MIDEAS: variants seen among roughly 807,000 people sequenced by gnomAD.
MIDEAS encodes mitotic deacetylase associated SANT domain protein, also known as mitotic deacetylase-associated SANT domain protein.
A neutral mutation model predicts 102.7 loss-of-function variants in MIDEAS; 26 were observed. The observed-to-expected ratio is 0.25, with a 90% CI of 0.19 to 0.35. The LOEUF is 0.35. Ranked by LOEUF, MIDEAS falls within the 10% of genes least tolerant of loss-of-function variation. The pLI is 1.00. For missense variants in MIDEAS, 1,231 were observed against 1,435.6 expected, an observed-to-expected ratio of 0.86 and a Z score of 2.30; for synonymous variants, 585 against 591.0, an observed-to-expected ratio of 0.99 and a Z score of 0.15.
chr14:73,761,082 CAGT>C (rs2053550441), upstream of MIDEAS, among the ~76,000 whole-genome samples: 1 of 151,858 alleles, frequency 6.6e-6, no homozygotes, highest in Non-Finnish European at 1.5e-5. Flanking sequence ...GGTGGTGGTG[CAGT>C]GGTGGTGGTG....
rs2053345213 is a variant in MIDEAS, at chr14:73,745,870, G to A, written c.-247-5615C>T. On this transcript the variant is annotated intron_variant, in intron 1 of 12. Coordinates refer to ENST00000423556, the MANE Select transcript of MIDEAS (RefSeq NM_001367710.1). ...TTTCCCTGGGAGCATGAGAGAGCAGGCAAGAGGCCCTATGGTCGGCCCATT... is the reference window on the plus strand; with the variant it reads ...TTTCCCTGGGAGCATGAGAGAGCAGACAAGAGGCCCTATGGTCGGCCCATT... Among the ~76,000 whole-genome samples the A allele has an allele frequency of 3.9e-5, 6 of 152,214 alleles. No homozygotes were observed. The South Asian group carries it at 1.0e-3, about 26-fold the overall frequency.
At chr14:73,736,567 G>A (rs1211279502) in intron 3 of MIDEAS, among the ~76,000 whole-genome samples, 1 of 151,402 alleles carries the variant, frequency 6.6e-6, no homozygotes, top group Non-Finnish European at 1.5e-5. Context: ...GGAGGCGGAG[G>A]TTGCAGTGAG....
chr14:73,741,168 T>C (rs2053276803), intron 1 of MIDEAS, among the ~76,000 whole-genome samples: 2 of 152,208 alleles, frequency 1.3e-5, no homozygotes, highest in African/African-American at 4.8e-5. Context: ...AGGGTGCAGA[T>C]TGCTAGAACT....
Position 73,737,264 on chromosome 14 carries a change from C to T in MIDEAS, c.1483G>A (p.Val495Ile), listed in dbSNP as rs748276222. ...CCACACTTGGTAGTTGAGGCCAATA[C>T]ACTTTTCCGCTTCTCTTCAGAACCA... ...GSGSEEKRKS[V>I]LASTTKCGVE... Residue 495 changes from valine to isoleucine, a missense_variant, in exon 3 of 13, where the codon GTA (valine) becomes ATA (isoleucine). Physicochemically the swap from Val to Ile is conservative, Grantham distance 29. This residue lies in a region of MIDEAS where 758 missense variants were observed against 856.0 expected (regional missense o/e 0.89). Transcript: ENST00000423556. 3 of 1,612,800 alleles carry T rather than the reference C, an allele frequency of 1.9e-6. No homozygotes were observed. Among genetic ancestry groups the T allele is most frequent in the Non-Finnish European group, 2.5e-6 (3 of 1,178,866 alleles).
upstream of MIDEAS, among the ~76,000 whole-genome samples, chr14:73,764,837 C>G (rs1235070507): frequency 6.6e-6 from 1 of 152,264 alleles, no homozygotes; most frequent in Non-Finnish European, 1.5e-5. Flanking sequence ...CCACCTGCCC[C>G]CTCCCCAGCC....
chr14:73,742,177 G>GAGAAAGGAAGAATGTGCGCCAGCCTGGCA lies in MIDEAS; in HGVS notation c.-247-1951_-247-1923dup, dbSNP rs2053289368. Among the ~76,000 whole-genome samples, 2 of 152,266 alleles carry GAGAAAGGAAGAATGTGCGCCAGCCTGGCA rather than the reference G, an allele frequency of 1.3e-5. No individual in the cohort carries two copies. Among genetic ancestry groups the GAGAAAGGAAGAATGTGCGCCAGCCTGGCA allele is most frequent in the African/African-American group, 2.4e-5 (1 of 41,474 alleles). On this transcript the variant is annotated intron_variant, in intron 1 of 12. Coordinates refer to ENST00000423556, the MANE Select transcript of MIDEAS (RefSeq NM_001367710.1). The surrounding 1 kb of genome is among the most constrained non-coding windows in gnomAD (Gnocchi z 4.4). ...AGTGCGTGTCTGCAGAAGCAAGACA[G>GAGAAAGGAAGAATGTGCGCCAGCCTGGCA]AGAAAGGAAGAATGTGCGCCAGCCT...
intron 1 of MIDEAS, among the ~76,000 whole-genome samples, chr14:73,768,231 A>C (rs1005199302): frequency 2.6e-5 from 4 of 152,092 alleles, no homozygotes; most frequent in Non-Finnish European, 4.4e-5. Context: ...CCACCCCAGC[A>C]CCCTTGAAGG....
chr14:73,762,533 C>A (rs574431226), upstream of MIDEAS, among the ~76,000 whole-genome samples: 5 of 152,098 alleles, frequency 3.3e-5, no homozygotes, highest in Admixed American at 6.5e-5. Flanking sequence ...ACCAAATAGC[C>A]CCCCCTTGGC....
intron 1 of MIDEAS, among the ~76,000 whole-genome samples, chr14:73,750,814 T>C (rs966538454): frequency 2.0e-5 from 3 of 152,188 alleles, no homozygotes; most frequent in African/African-American, 7.2e-5. Context: ...ATAACAATGC[T>C]TCATGCCTCC....
At chr14:73,726,238 AG>A (rs2053059336) in intron 7 of MIDEAS, 130 bp from the exon 8 acceptor site, 1 of 790,150 alleles carries the variant, frequency 1.3e-6, no homozygotes, top group African/African-American at 1.7e-5. Context: ...CTGAGAGATA[AG>A]GGGTCCACTG....
At chr14:73,763,653 C>T (rs1045643518), upstream of MIDEAS, among the ~76,000 whole-genome samples, 2 of 152,162 alleles carry the variant, frequency 1.3e-5, no homozygotes, top group African/African-American at 4.8e-5. Context: ...GAGGGCATCC[C>T]AAGTCCACAA....
At chr14:73,779,965 C>T (rs1246418526) in intron 1 of MIDEAS, among the ~76,000 whole-genome samples, 6 of 150,760 alleles carry the variant, frequency 4.0e-5, no homozygotes, top group African/African-American at 1.2e-4. Context: ...CTCCTCCTCC[C>T]GGGTTCACAC....
rs571042286 is a variant in MIDEAS, at chr14:73,720,699, G to A, written c.2937+598C>T. Among the ~76,000 whole-genome samples the A allele has an allele frequency of 8.5e-5, 13 of 152,336 alleles. No homozygotes were observed. The South Asian group carries it at 2.7e-3, about 32-fold the overall frequency. On this transcript the variant is annotated intron_variant, in intron 11 of 12. Coordinates refer to ENST00000423556, the MANE Select transcript of MIDEAS (RefSeq NM_001367710.1). ...TTCTTGGCCTGTGATATGGTGGACA[G>A]AGCACTGCACTAGGAGTCCAAGGAC...
intron 1 of MIDEAS, among the ~76,000 whole-genome samples, chr14:73,743,339 G>A (rs72721777): frequency 3.2e-3 from 486 of 152,300 alleles, no homozygotes; most frequent in Middle Eastern, 0.01. Flanking sequence ...CTTCCAGGAA[G>A]GGAGAGCAGG....
intron 3 of MIDEAS, among the ~76,000 whole-genome samples, chr14:73,730,883 G>A (rs902064702): frequency 2.6e-5 from 4 of 152,166 alleles, no homozygotes; most frequent in African/African-American, 9.7e-5. Context: ...ACTTGAACCC[G>A]GGAGGTGGAG....
intron 1 of MIDEAS, among the ~76,000 whole-genome samples, chr14:73,768,938 C>T (rs1370023176): frequency 6.6e-6 from 1 of 152,146 alleles, no homozygotes; most frequent in Non-Finnish European, 1.5e-5. Flanking sequence ...TCCAATTTTC[C>T]AAAGATCCCA....
chr14:73,723,029 T>G, intron 9 of MIDEAS, 182 bp from the exon 10 acceptor site: 1 of 598,548 alleles, frequency 1.7e-6, no homozygotes. Flanking sequence ...GATCAATTAA[T>G]CAATGCTTCA....
intron 1 of MIDEAS, among the ~76,000 whole-genome samples, chr14:73,774,021 CA>C (rs11322935): frequency 0.73 from 81,952 of 112,938 alleles, 28,258 homozygotes; most frequent in East Asian, 0.87. Context: ...GACTGAATCT[CA>C]AAAAAAAAAA....
In MIDEAS at chr14:73,720,692, G is replaced by A. The variant is rs1036891151; in HGVS notation, c.2937+605C>T. Among the ~76,000 whole-genome samples, 18 of 152,316 alleles carry A rather than the reference G, an allele frequency of 1.2e-4. No individual in the cohort carries two copies. The East Asian group carries it at 1.5e-3, about 13-fold the overall frequency. ...GTCTTGTTTCTTGGCCTGTGATATGGTGGACAGAGCACTGCACTAGGAGTC... is the reference window on the plus strand; with the variant it reads ...GTCTTGTTTCTTGGCCTGTGATATGATGGACAGAGCACTGCACTAGGAGTC... On this transcript the variant is annotated intron_variant, in intron 11 of 12. Transcript: ENST00000423556.
Sources: allele counts gnomAD v4.1 joint callset (sites outside exome capture counted in the v4.1 genomes callset), GRCh38; gene constraint gnomAD v4.1.1; regional missense constraint gnomAD v4.1.1; non-coding constraint Gnocchi (gnomAD v3.1); transcripts MANE v1.5; gene names NCBI Gene and HGNC (gene_info 2026-07-23, HGNC 2026-07-21).